Variants in SBF2 observed in about 807,000 individuals in gnomAD.
The protein encoded by SBF2 is myotubularin-related protein 13.
A neutral mutation model predicts 225.2 loss-of-function variants in SBF2; 112 were observed. That is an observed-to-expected ratio of 0.50 (90% CI 0.43 to 0.58). SBF2 has a LOEUF of 0.58. SBF2 is among the 20% of genes least tolerant of loss of function. The pLI is 0.00. For synonymous variants in SBF2, 763 were observed against 773.3 expected, an observed-to-expected ratio of 0.99 and a Z score of 0.22; for missense variants, 1,996 against 2,206.2, an observed-to-expected ratio of 0.90 and a Z score of 1.91.
intron 3 of SBF2, among the ~76,000 whole-genome samples, chr11:10,035,166 G>T (rs1056144235): frequency 6.6e-6 from 1 of 151,916 alleles, no homozygotes; most frequent in African/African-American, 2.4e-5. Context: ...AGTAGAGATG[G>T]GGTTTCACCG....
At chr11:10,121,463 A>G (rs1485828327) in intron 2 of SBF2, among the ~76,000 whole-genome samples, 1 of 152,214 alleles carries the variant, frequency 6.6e-6, no homozygotes, top group African/African-American at 2.4e-5. Context: ...ACACTGTTAA[A>G]GGAAAGATAT....
chr11:10,083,257 T>A (rs573519192), intron 2 of SBF2, among the ~76,000 whole-genome samples: 1 of 152,172 alleles, frequency 6.6e-6, no homozygotes, highest in East Asian at 1.9e-4. Context: ...TGTAAGAACA[T>A]CCCACACCAT....
intron 1 of SBF2, among the ~76,000 whole-genome samples, chr11:10,299,337 CAAA>C (rs5789634): frequency 1.1e-4 from 7 of 63,138 alleles, no homozygotes; most frequent in African/African-American, 4.3e-4. Flanking sequence ...GAGTCCATCT[CAAA>C]AAAAAAAAAA....
chr11:9,970,561 G>A (rs1867265204), intron 13 of SBF2, among the ~76,000 whole-genome samples: 1 of 152,112 alleles, frequency 6.6e-6, no homozygotes, highest in South Asian at 2.1e-4. Flanking sequence ...CCTAGATAAA[G>A]AAAATGTTGG....
chr11:10,064,910 G>A (rs1239981733), intron 2 of SBF2, among the ~76,000 whole-genome samples: 2 of 152,288 alleles, frequency 1.3e-5, no homozygotes, highest in African/African-American at 4.8e-5. Flanking sequence ...TGAACAATCT[G>A]TCAATCAACT....
At chr11:10,276,019 G>C (rs1050371587) in intron 1 of SBF2, among the ~76,000 whole-genome samples, 2 of 151,768 alleles carry the variant, frequency 1.3e-5, no homozygotes, top group African/African-American at 2.4e-5. Context: ...TTGAAAAAAA[G>C]CAATGTTTTC....
At chr11:9,924,435 T>G (rs912044274) in intron 16 of SBF2, among the ~76,000 whole-genome samples, 2 of 152,104 alleles carry the variant, frequency 1.3e-5, no homozygotes, top group Non-Finnish European at 2.9e-5. Context: ...CTTATTTATT[T>G]ATTTATTTAT....
chr11:10,052,419 G>C (rs370642115), intron 2 of SBF2, among the ~76,000 whole-genome samples: 169 of 152,190 alleles, frequency 1.1e-3, no homozygotes, highest in African/African-American at 3.9e-3. Context: ...TGTTAACAAC[G>C]TATCTGGGAA....
In SBF2 at chr11:9,933,669, G is replaced by A. The variant is rs548501450; in HGVS notation, c.1860+28288C>T. 2.0e-4 allele frequency among the ~76,000 whole-genome samples: 30 copies of A among 152,240 alleles called. 1 individual carries two copies. The highest frequency in any genetic ancestry group is 6.7e-4 in the African/African-American group (28 of 41,540). Reference sequence around the variant, plus strand: ...GGGCGCATTTAAAGCAGTGTGTAGAGGGAAATTTACAGCACTAAATGCCCA... The same window carrying A: ...GGGCGCATTTAAAGCAGTGTGTAGAAGGAAATTTACAGCACTAAATGCCCA... On this transcript the variant is annotated intron_variant, in intron 16 of 39. Transcript: ENST00000256190.
intron 15 of SBF2, among the ~76,000 whole-genome samples, chr11:9,963,092 T>C (rs1866681924): frequency 6.6e-6 from 1 of 152,214 alleles, no homozygotes; most frequent in Admixed American, 6.5e-5. Context: ...AGGAGGCACA[T>C]TTAAGTTCAA....
At chr11:9,874,775 T>C (rs1203265667) in intron 17 of SBF2, among the ~76,000 whole-genome samples, 1 of 152,178 alleles carries the variant, frequency 6.6e-6, no homozygotes, top group Non-Finnish European at 1.5e-5. Flanking sequence ...AGAATATTAT[T>C]GGATAAGTCA....
intron 2 of SBF2, among the ~76,000 whole-genome samples, chr11:10,154,341 T>C (rs1311062980): frequency 1.3e-5 from 2 of 152,162 alleles, no homozygotes; most frequent in Non-Finnish European, 2.9e-5. Context: ...TCTGTATTTT[T>C]TATTTTTTTA....
At chr11:10,106,926 T>C (rs1952584696) in intron 2 of SBF2, among the ~76,000 whole-genome samples, 1 of 152,188 alleles carries the variant, frequency 6.6e-6, no homozygotes, top group African/African-American at 2.4e-5. Context: ...TGCTCAATAT[T>C]CTAATTCATT....
At chr11:10,233,750 C>T (rs967607018) in intron 1 of SBF2, among the ~76,000 whole-genome samples, 2 of 152,134 alleles carry the variant, frequency 1.3e-5, no homozygotes, top group African/African-American at 4.8e-5. Flanking sequence ...CATCAGCATT[C>T]CGGTTAAAAC....
chr11:10,218,456 C>T (rs376606592), intron 1 of SBF2, among the ~76,000 whole-genome samples: 7 of 152,112 alleles, frequency 4.6e-5, no homozygotes, highest in African/African-American at 1.7e-4. Flanking sequence ...CCCGGCCCCT[C>T]CCAAATCTCA....
In SBF2 at chr11:10,020,469, C is replaced by T. The variant is rs903702266; in HGVS notation, c.619+7983G>A. Among the ~76,000 whole-genome samples, 7 of 151,962 alleles carry T rather than the reference C, an allele frequency of 4.6e-5. No individual in the cohort carries two copies. The South Asian group carries it at 6.3e-4, about 14-fold the overall frequency. On this transcript the variant is annotated intron_variant, in intron 6 of 39. Coordinates refer to ENST00000256190, the MANE Select transcript of SBF2 (RefSeq NM_030962.4). ...CATGCCAACCTATAAAATCCCAAGT[C>T]GAAAAGCCAAACTGTGCACTTGCTC...
intron 2 of SBF2, among the ~76,000 whole-genome samples, chr11:10,105,501 A>C (rs1277453091): frequency 6.6e-6 from 1 of 152,246 alleles, no homozygotes; most frequent in Non-Finnish European, 1.5e-5. Context: ...GGATTGTACC[A>C]TTCTTGTACA....
Position 10,040,801 on chromosome 11 carries a change from G to T in SBF2, c.279+2043C>A, listed in dbSNP as rs376408111. On this transcript the variant is annotated intron_variant, in intron 3 of 39. Transcript: ENST00000256190. ...AAGAAGGGATAAAGAGAGGAAAGAA[G>T]GGTAGGGAAGAAAGACCTCAAATAA... 4.0e-5 allele frequency among the ~76,000 whole-genome samples: 6 copies of T among 151,674 alleles called. No homozygotes were observed. The East Asian group carries it at 9.7e-4, about 24-fold the overall frequency.
At chr11:9,942,649 G>A (rs1223326225) in intron 16 of SBF2, among the ~76,000 whole-genome samples, 4 of 151,994 alleles carry the variant, frequency 2.6e-5, no homozygotes, top group Non-Finnish European at 5.9e-5. Context: ...GGGCAACATG[G>A]TAAAATCCTG....
Sources: gnomAD v4.1 joint callset for allele counts (sites outside exome capture counted in the v4.1 genomes callset) on GRCh38, gnomAD v4.1.1 for gene constraint, MANE v1.5 for transcripts, NCBI Gene and HGNC (gene_info 2026-07-23, HGNC 2026-07-21) for gene names.